The following EPHA6 variants were observed in gnomAD, a reference collection of about 807,000 sequenced individuals.
The protein encoded by EPHA6 is EPH receptor A6, also known as ephrin type-A receptor 6.
Under a neutral mutation model 112.0 loss-of-function variants are expected in EPHA6, and 50 were observed. That is an observed-to-expected ratio of 0.45 (90% CI 0.36 to 0.56). The LOEUF (loss-of-function observed/expected upper bound fraction) is 0.56. Among genes scored for constraint, EPHA6 ranks in the 20% least tolerant of loss-of-function variants. The pLI is 0.00. For missense variants in EPHA6, 1,280 were observed against 1,417.4 expected, an observed-to-expected ratio of 0.90 and a Z score of 1.56; for synonymous variants, 529 against 490.7, an observed-to-expected ratio of 1.08 and a Z score of -1.03.
intron 14 of EPHA6, among the ~76,000 whole-genome samples, chr3:97,715,088 T>C (rs183915119): frequency 1.7e-4 from 26 of 152,370 alleles, no homozygotes; most frequent in Admixed American, 1.7e-3. Flanking sequence ...ACTGTAACCA[T>C]GAATTATTGG....
intron 6 of EPHA6, among the ~76,000 whole-genome samples, chr3:97,406,367 G>A (rs1342968875): frequency 6.6e-6 from 1 of 152,076 alleles, no homozygotes; most frequent in African/African-American, 2.4e-5. Flanking sequence ...TCTCATTGTG[G>A]GAGGGCAAGG....
chr3:97,693,017 C>T (rs780322953), intron 14 of EPHA6, among the ~76,000 whole-genome samples: 1 of 152,088 alleles, frequency 6.6e-6, no homozygotes, highest in South Asian at 2.1e-4. Flanking sequence ...GCTGGTGTCT[C>T]GGAGAAGGAC....
At chr3:97,635,613 A>G (rs1241930986) in intron 13 of EPHA6, among the ~76,000 whole-genome samples, 1 of 152,072 alleles carries the variant, frequency 6.6e-6, no homozygotes, top group African/African-American at 2.4e-5. Flanking sequence ...TAGAGCTAGA[A>G]AGTAGACTAC....
chr3:97,499,221 C>T (rs982089549), intron 10 of EPHA6, among the ~76,000 whole-genome samples: 5 of 152,058 alleles, frequency 3.3e-5, no homozygotes, highest in African/African-American at 4.8e-5. Context: ...ATGAATTAAA[C>T]GTTACTTATT....
chr3:97,574,750 A>T (rs2093366784), intron 11 of EPHA6, among the ~76,000 whole-genome samples: 1 of 152,120 alleles, frequency 6.6e-6, no homozygotes, highest in Non-Finnish European at 1.5e-5. Context: ...AACAAATATA[A>T]TGATTAATGA....
chr3:97,339,941 CA>C (rs2083227881), intron 5 of EPHA6, among the ~76,000 whole-genome samples: 2 of 152,166 alleles, frequency 1.3e-5, no homozygotes, highest in African/African-American at 4.8e-5. Context: ...TGTTTAAGAA[CA>C]AAACCTTTCT....
chr3:97,570,222 G>C (rs1459970432), intron 11 of EPHA6, among the ~76,000 whole-genome samples: 2 of 152,106 alleles, frequency 1.3e-5, no homozygotes, highest in African/African-American at 4.8e-5. Context: ...CAAGTGGCCA[G>C]GAAAACTTTA....
chr3:97,218,853 T>C (rs2078109572), intron 3 of EPHA6, among the ~76,000 whole-genome samples: 1 of 152,166 alleles, frequency 6.6e-6, no homozygotes, highest in South Asian at 2.1e-4. Context: ...CCTATGCACC[T>C]GTAAAATCAA....
intron 9 of EPHA6, 145 bp from the exon 10 acceptor site, chr3:97,483,789 A>G (rs1175324031): frequency 4.8e-6 from 4 of 829,874 alleles, no homozygotes; most frequent in Non-Finnish European, 6.6e-6. Flanking sequence ...TCAAAGCTTT[A>G]ATATGGGACA....
At chr3:96,961,934 A>T (rs1048431136) in intron 2 of EPHA6, among the ~76,000 whole-genome samples, 2 of 152,214 alleles carry the variant, frequency 1.3e-5, no homozygotes, top group African/African-American at 2.4e-5. Context: ...CAGAAAAAGG[A>T]TGACTGCAGT....
chr3:97,109,132 T>A (rs2047647816), intron 3 of EPHA6, among the ~76,000 whole-genome samples: 1 of 152,200 alleles, frequency 6.6e-6, no homozygotes, highest in Non-Finnish European at 1.5e-5. Context: ...ATGATTTATT[T>A]GATTCGGGTT....
intron 1 of EPHA6, among the ~76,000 whole-genome samples, chr3:96,825,129 C>T (rs375060680): frequency 1.7e-4 from 26 of 151,812 alleles, no homozygotes; most frequent in African/African-American, 5.3e-4. Flanking sequence ...ACTCCAGAGA[C>T]CTCCATTTTA....
At chr3:96,868,434 A>G (rs1175345724) in intron 2 of EPHA6, among the ~76,000 whole-genome samples, 1 of 151,794 alleles carries the variant, frequency 6.6e-6, no homozygotes, top group Admixed American at 6.6e-5. Context: ...TAATCTAGGT[A>G]TCAATATAGG....
intron 3 of EPHA6, among the ~76,000 whole-genome samples, chr3:97,196,027 G>T (rs1246871906): frequency 6.6e-6 from 1 of 151,546 alleles, no homozygotes; most frequent in Non-Finnish European, 1.5e-5. Flanking sequence ...TCTTTCTCTA[G>T]ATTTGGAAAG....
intron 2 of EPHA6, among the ~76,000 whole-genome samples, chr3:96,963,471 A>G (rs558539082): frequency 6.6e-6 from 1 of 152,298 alleles, no homozygotes; most frequent in Non-Finnish European, 1.5e-5. Context: ...TACTGGGTCA[A>G]CTGTCAATAG....
intron 3 of EPHA6, among the ~76,000 whole-genome samples, chr3:97,014,007 G>T (rs75470555): frequency 0.077 from 11,706 of 151,922 alleles, 773 homozygotes; most frequent in Admixed American, 0.22. Context: ...GCCCTTTAAA[G>T]AACTGAATTT....
At position 96,905,981 on chromosome 3, in the gene EPHA6, C is replaced by T. The variant is rs148430403; in HGVS notation, c.450+39092C>T. On this transcript the variant is annotated intron_variant, in intron 2 of 17. Coordinates refer to ENST00000389672, the MANE Select transcript of EPHA6 (RefSeq NM_001080448.3). ...TACTCATGTATATGGATTTGTACAT[C>T]AAATCTCAAAACTATGGCAACAACT... 2.0e-3 allele frequency among the ~76,000 whole-genome samples: 300 copies of T among 152,080 alleles called. 2 individuals carry two copies. The highest frequency in any genetic ancestry group is 6.9e-3 in the African/African-American group (286 of 41,502).
At chr3:97,553,411 T>C (rs1383184243) in intron 11 of EPHA6, among the ~76,000 whole-genome samples, 1 of 152,074 alleles carries the variant, frequency 6.6e-6, no homozygotes, top group Non-Finnish European at 1.5e-5. Flanking sequence ...TTTATATGTT[T>C]TGGATAATTT....
chr3:97,095,798 T>A (rs2047219323), intron 3 of EPHA6, among the ~76,000 whole-genome samples: 1 of 151,912 alleles, frequency 6.6e-6, no homozygotes, highest in Non-Finnish European at 1.5e-5. Context: ...AAAAAACATA[T>A]GATTGAATTC....
Sources: allele counts gnomAD v4.1 joint callset (sites outside exome capture counted in the v4.1 genomes callset), GRCh38; gene constraint gnomAD v4.1.1; transcripts MANE v1.5; gene names NCBI Gene and HGNC (gene_info 2026-07-23, HGNC 2026-07-21).